The following NID1 variants were observed in gnomAD, a reference collection of about 807,000 sequenced individuals.
NID1 encodes the protein nidogen 1, also known as nidogen-1.
Under a neutral mutation model 130.6 loss-of-function variants are expected in NID1, and 76 were observed. The ratio of observed to expected loss-of-function variants is 0.58; its 90% CI spans 0.48 to 0.70. The LOEUF is 0.70. NID1 is among the 30% of genes least tolerant of loss of function. The probability of loss-of-function intolerance (pLI) is 0.00; values close to 1 mark genes in which losing one functional copy is unlikely to be tolerated. For missense variants in NID1, 1,517 were observed against 1,664.8 expected (o/e 0.91, Z 1.54); for synonymous variants, 665 against 675.1 (o/e 0.98, Z 0.23).
At chr1:235,982,716 C>T (rs186628040) in intron 15 of NID1, among the ~76,000 whole-genome samples, 32 of 151,968 alleles carry the variant, frequency 2.1e-4, no homozygotes, top group Admixed American at 8.5e-4. Context: ...TTAATAATAA[C>T]GATTGTGTTT....
chr1:236,055,759 C>T (rs1659882646), intron 1 of NID1, among the ~76,000 whole-genome samples: 1 of 152,106 alleles, frequency 6.6e-6, no homozygotes, highest in African/African-American at 2.4e-5. Flanking sequence ...CTAACGTTCT[C>T]TGTCAGTAGG....
At chr1:236,014,926 G>A (rs568197723) in intron 10 of NID1, among the ~76,000 whole-genome samples, 6 of 152,290 alleles carry the variant, frequency 3.9e-5, no homozygotes, top group Admixed American at 2.0e-4. Flanking sequence ...TCAATTAACT[G>A]CAAAAGTTGG....
intron 12 of NID1, among the ~76,000 whole-genome samples, chr1:235,997,792 G>T (rs1657970271): frequency 6.6e-6 from 1 of 151,888 alleles, no homozygotes; most frequent in South Asian, 2.1e-4. Flanking sequence ...TTTTTTGGTA[G>T]AGACGGGGTT....
chr1:236,001,559 G>T (rs1321400578), intron 12 of NID1, among the ~76,000 whole-genome samples: 1 of 152,144 alleles, frequency 6.6e-6, no homozygotes, highest in Non-Finnish European at 1.5e-5. Context: ...CATGTTCCTA[G>T]GGGCCACTAA....
chr1:235,993,451 G>GC (rs1657818181), intron 13 of NID1, among the ~76,000 whole-genome samples, 194 bp downstream of exon 13: 1 of 152,212 alleles, frequency 6.6e-6, no homozygotes, highest in African/African-American at 2.4e-5. Flanking sequence ...CAGAGAGGGT[G>GC]AGGAGGAGAG....
chr1:235,999,850 C>T (rs113441386), intron 12 of NID1, among the ~76,000 whole-genome samples: 20 of 152,306 alleles, frequency 1.3e-4, no homozygotes, highest in Admixed American at 9.2e-4. Context: ...TATGAAACTA[C>T]TTCAGGCCAT....
intron 10 of NID1, among the ~76,000 whole-genome samples, chr1:236,013,965 A>G (rs1658509644): frequency 6.6e-6 from 1 of 152,144 alleles, no homozygotes; most frequent in African/African-American, 2.4e-5. Context: ...TGCTTGGAGG[A>G]AAGGAGCTGA....
At chr1:235,993,281 C>T (rs1181620626) in intron 13 of NID1, among the ~76,000 whole-genome samples, 2 of 152,226 alleles carry the variant, frequency 1.3e-5, no homozygotes, top group Non-Finnish European at 2.9e-5. Context: ...GAACATTCCA[C>T]CTCCACGCCT....
In NID1 at chr1:236,048,898, G is replaced by C; in HGVS notation, c.317C>G (p.Pro106Arg). The change falls in exon 2 of 20, where the codon CCT (proline) becomes CGT (arginine). Residue 106 changes from proline to arginine, a missense_variant. Pro to Arg is a moderately radical substitution (Grantham distance 103). Transcript: ENST00000264187. Reference sequence around the variant, plus strand: ...GGTCGTGTCCAAGTCCGCCAGGAAAGGGGCGACTGCACCGAATGTTGGTGG... The same window carrying C: ...GGTCGTGTCCAAGTCCGCCAGGAAACGGGCGACTGCACCGAATGTTGGTGG... ...LFPPTFGAVA[P>R]FLADLDTTDG... 6.2e-7 allele frequency: 1 copy of C among 1,614,078 alleles called. No homozygotes were observed. Among genetic ancestry groups the C allele is most frequent in the Non-Finnish European group, 8.5e-7 (1 of 1,180,004 alleles).
Position 236,029,531 on chromosome 1 carries a change from G to A in NID1, c.1738+19C>T, listed in dbSNP as rs866509835. 7.1e-6 allele frequency: 11 copies of A among 1,549,362 alleles called. No individual in the cohort carries two copies. In the Middle Eastern group the frequency reaches 7.4e-4, roughly 104 times the overall value. On this transcript the variant is annotated intron_variant, in intron 7 of 19. Transcript: ENST00000264187. ...AGTGGCCGGTCTGGGGCTGGCCCTG[G>A]GACACAGCTGGGGCTCACCTGAGGT...
chr1:236,017,262 A>G lies in NID1; in HGVS notation c.2140T>C (p.Cys714Arg). Reference protein sequence around the residue: ...DGRTCYDIDECSEQPSVCGSH... With the variant: ...DGRTCYDIDERSEQPSVCGSH... ...CCACACACTGAGGGTTGTTCTGAAC[A>G]TTCATCAATATCTGCAGCAAAAATT... Residue 714 changes from cysteine to arginine, a missense_variant, in exon 10 of 20, where the codon TGT becomes CGT. Around this residue, in one of 3 missense-constraint regions of NID1, gnomAD observed 1,329 missense variants for 1,429.2 expected, o/e 0.93. Coordinates refer to ENST00000264187, the MANE Select transcript of NID1 (RefSeq NM_002508.3). 1 of 1,613,986 alleles carries G rather than the reference A, an allele frequency of 6.2e-7. No homozygotes were observed. The highest frequency in any genetic ancestry group is 8.5e-7 in the Non-Finnish European group (1 of 1,179,936).
intron 14 of NID1, among the ~76,000 whole-genome samples, chr1:235,987,168 C>A (rs1355801491): frequency 6.6e-6 from 1 of 152,138 alleles, no homozygotes; most frequent in Non-Finnish European, 1.5e-5. Flanking sequence ...CAAGGCAAAT[C>A]AATTACCTGC....
chr1:236,050,906 C>T (rs756825939), intron 1 of NID1, among the ~76,000 whole-genome samples: 54 of 151,782 alleles, frequency 3.6e-4, no homozygotes, highest in African/African-American at 9.0e-4. Context: ...GGCAAAACCC[C>T]GTCTCTACTA....
chr1:236,003,120 C>T (rs1465332919), intron 12 of NID1, among the ~76,000 whole-genome samples: 1 of 148,334 alleles, frequency 6.7e-6, no homozygotes, highest in Non-Finnish European at 1.5e-5. Flanking sequence ...AGTTGTCACT[C>T]CTAGTGAACG....
intron 12 of NID1, among the ~76,000 whole-genome samples, chr1:236,000,467 C>T (rs571063705): frequency 1.2e-4 from 18 of 152,280 alleles, no homozygotes; most frequent in African/African-American, 4.3e-4. Context: ...GACCTGGAAG[C>T]TCTCCCTCCT....
At chr1:236,044,387 C>T (rs11583517) in intron 3 of NID1, among the ~76,000 whole-genome samples, 32,063 of 152,070 alleles carry the variant, frequency 0.21, 4,062 homozygotes, top group Admixed American at 0.34. Flanking sequence ...TTGCTACTGT[C>T]CATGCTCTTG....
intron 12 of NID1, among the ~76,000 whole-genome samples, chr1:236,001,666 C>T (rs1658079672): frequency 6.6e-6 from 1 of 152,164 alleles, no homozygotes; most frequent in South Asian, 2.1e-4. Flanking sequence ...CCAACATTTA[C>T]CCCCATTCTC....
chr1:236,051,511 CAT>C (rs1335012323), intron 1 of NID1, among the ~76,000 whole-genome samples: 2 of 152,202 alleles, frequency 1.3e-5, no homozygotes, highest in African/African-American at 4.8e-5. Context: ...CTTTTAACCA[CAT>C]GTTATGGGCT....
rs769359318 is a variant in NID1 at position 236,013,439 on chromosome 1, G to C, written c.2376C>G (p.Gly792=). The C allele has an allele frequency of 8.1e-6, 13 of 1,613,934 alleles. 1 individual carries two copies. The South Asian group carries it at 1.3e-4, about 16-fold the overall frequency. The change falls in exon 11 of 20, where the codon GGC becomes GGG. Residue 792 remains glycine, a synonymous_variant. Coordinates refer to ENST00000264187, the MANE Select transcript of NID1 (RefSeq NM_002508.3). ...GSSYTCSCLP[G]FSGDGQACQD... The stretch of plus-strand genomic sequence containing the variant: ...GGCAGGCTTGGCCATCCCCAGAAAA[G>C]CCTGGCAAGCAGGAACAGGTGTAGG...
Sources: gnomAD v4.1 joint callset for allele counts (sites outside exome capture counted in the v4.1 genomes callset) on GRCh38, gnomAD v4.1.1 for gene constraint, gnomAD v4.1.1 regional missense constraint, MANE v1.5 for transcripts, NCBI Gene and HGNC (gene_info 2026-07-23, HGNC 2026-07-21) for gene names.